Variants in EPHA4 observed in about 807,000 individuals in gnomAD.
The protein encoded by EPHA4 is EPH receptor A4, also known as ephrin type-A receptor 4.
A neutral mutation model predicts 108.3 loss-of-function variants in EPHA4; 19 were observed. The observed-to-expected ratio is 0.18, with a 90% confidence interval of 0.12 to 0.26. EPHA4 has a LOEUF of 0.26. Ranked by LOEUF, EPHA4 falls within the 10% of genes least tolerant of loss-of-function variation. EPHA4 has a pLI of 1.00. For missense variants in EPHA4, 917 were observed against 1,254.0 expected (o/e 0.73, Z 4.06); for synonymous variants, 449 against 455.5 (o/e 0.99, Z 0.18).
chr2:221,509,658 A>T (rs2106164245), intron 3 of EPHA4, among the ~76,000 whole-genome samples: 1 of 152,378 alleles, frequency 6.6e-6, no homozygotes, highest in South Asian at 2.1e-4. Flanking sequence ...ATAAAGGAAT[A>T]TACCAGACAT....
At chr2:221,512,076 T>C (rs978168506) in intron 3 of EPHA4, among the ~76,000 whole-genome samples, 5 of 152,166 alleles carry the variant, frequency 3.3e-5, no homozygotes, top group Admixed American at 3.3e-4. Flanking sequence ...TTTCAATAAA[T>C]TAATTCTATT....
intron 8 of EPHA4, among the ~76,000 whole-genome samples, chr2:221,448,107 G>A (rs1040428365): frequency 6.6e-6 from 1 of 152,080 alleles, no homozygotes; most frequent in Non-Finnish European, 1.5e-5. Context: ...CTCCCAAAGT[G>A]CTGGGATTAT....
chr2:221,563,493 T>C (rs1382756585), intron 3 of EPHA4, among the ~76,000 whole-genome samples: 1 of 152,244 alleles, frequency 6.6e-6, no homozygotes, highest in Non-Finnish European at 1.5e-5. Context: ...CAGATATAAG[T>C]GCCTGTTAGC....
chr2:221,432,318 C>T (rs934800155), intron 14 of EPHA4, among the ~76,000 whole-genome samples: 3 of 152,158 alleles, frequency 2.0e-5, no homozygotes, highest in Non-Finnish European at 4.4e-5. Context: ...ACTACATTTA[C>T]TATTTGCTCA....
intron 1 of EPHA4, among the ~76,000 whole-genome samples, chr2:221,570,159 G>T (rs191748713): frequency 6.6e-6 from 1 of 152,160 alleles, no homozygotes; most frequent in East Asian, 1.9e-4. Context: ...GAGGGTAAAA[G>T]AGAGAAAAGG....
chr2:221,469,763 A>G (rs964807807), intron 5 of EPHA4, among the ~76,000 whole-genome samples: 3 of 152,154 alleles, frequency 2.0e-5, no homozygotes, highest in African/African-American at 7.2e-5. Flanking sequence ...CGGGCCTTGG[A>G]CCACTTATGA....
intron 3 of EPHA4, among the ~76,000 whole-genome samples, chr2:221,557,073 A>C (rs1694328435): frequency 6.6e-6 from 1 of 152,210 alleles, no homozygotes. Flanking sequence ...TGAGAGAATT[A>C]GAAAAAAAAG....
At chr2:221,464,764 C>A (rs775409671) in intron 5 of EPHA4, among the ~76,000 whole-genome samples, 1 of 152,150 alleles carries the variant, frequency 6.6e-6, no homozygotes, top group Non-Finnish European at 1.5e-5. Flanking sequence ...AAAGTCAGCT[C>A]CACCCCCAAC....
intron 3 of EPHA4, among the ~76,000 whole-genome samples, chr2:221,535,727 A>T (rs1054392931): frequency 2.0e-5 from 3 of 152,224 alleles, no homozygotes; most frequent in Admixed American, 6.5e-5. Flanking sequence ...AAAGTGGTAG[A>T]ACAAAGATTT....
chr2:221,447,821 T>TTTTATTTATTTATTTATTTA (rs56796398), intron 8 of EPHA4, among the ~76,000 whole-genome samples: 14,207 of 147,536 alleles, frequency 0.096, 857 homozygotes, highest in African/African-American at 0.15. Context: ...AAGGGTCTAT[T>TTTTATTTATTTATTTATTTA]TTTATTTATT....
At chr2:221,556,537 G>A (rs111373101) in intron 3 of EPHA4, among the ~76,000 whole-genome samples, 20 of 144,880 alleles carry the variant, frequency 1.4e-4, no homozygotes, top group East Asian at 4.0e-4. Flanking sequence ...TCCTGACCTC[G>A]TGATCCACCT....
Position 221,571,598 on chromosome 2 carries a change from C to T in EPHA4, c.91+560G>A, listed in dbSNP as rs1303862718. ...TTGGCGAGGAGAAAGGTGTCTGACT[C>T]CGGGTGCTAGAAATCAGGTCACTGG... On this transcript the variant is annotated intron_variant, in intron 1 of 17. Coordinates refer to ENST00000281821, the MANE Select transcript of EPHA4 (RefSeq NM_004438.5). This position sits in a 1 kb window ranked among gnomAD's most constrained non-coding sequence, Gnocchi z 6.3. Among the ~76,000 whole-genome samples the T allele has an allele frequency of 6.6e-6, 1 of 152,150 alleles. No individual in the cohort carries two copies. Among genetic ancestry groups the T allele is most frequent in the African/African-American group, 2.4e-5 (1 of 41,456 alleles).
intron 8 of EPHA4, among the ~76,000 whole-genome samples, chr2:221,447,446 C>G (rs1022818157): frequency 2.6e-5 from 4 of 152,030 alleles, no homozygotes; most frequent in African/African-American, 9.7e-5. Flanking sequence ...TAACAGAGAA[C>G]CTAAAGGAGC....
chr2:221,479,359 G>GTGAT (rs1360984803), intron 5 of EPHA4, among the ~76,000 whole-genome samples: 1 of 152,190 alleles, frequency 6.6e-6, no homozygotes, highest in Non-Finnish European at 1.5e-5. Flanking sequence ...CAGGTTTTGC[G>GTGAT]TGATTGATTT....
intron 4 of EPHA4, among the ~76,000 whole-genome samples, chr2:221,494,854 C>A (rs191353495): frequency 2.0e-5 from 3 of 151,824 alleles, no homozygotes; most frequent in Admixed American, 6.6e-5. Flanking sequence ...GCTAGTCATT[C>A]GTAGAGTTAA....
intron 5 of EPHA4, among the ~76,000 whole-genome samples, chr2:221,476,136 C>A (rs1303031095): frequency 1.3e-5 from 2 of 152,176 alleles, no homozygotes; most frequent in Non-Finnish European, 2.9e-5. Flanking sequence ...ATGAGAATCG[C>A]TGGAACCTGG....
chr2:221,456,869 G>A, intron 6 of EPHA4, 97 bp from the exon 7 acceptor site: 2 of 1,320,446 alleles, frequency 1.5e-6, no homozygotes, highest in South Asian at 2.7e-5. Flanking sequence ...AGTCAACTCA[G>A]AAACTGAAAG....
intron 3 of EPHA4, among the ~76,000 whole-genome samples, chr2:221,558,861 A>G (rs1250563143): frequency 6.6e-6 from 1 of 152,248 alleles, no homozygotes; most frequent in African/African-American, 2.4e-5. Flanking sequence ...AGCCGGAGAT[A>G]AAAGCAGCCA....
At chr2:221,451,820 T>C (rs953553916) in intron 8 of EPHA4, among the ~76,000 whole-genome samples, 1 of 152,222 alleles carries the variant, frequency 6.6e-6, no homozygotes, top group Non-Finnish European at 1.5e-5. Context: ...AGGTATTTTA[T>C]AAATTTAGTA....
Sources: allele counts gnomAD v4.1 joint callset (sites outside exome capture counted in the v4.1 genomes callset), GRCh38; gene constraint gnomAD v4.1.1; non-coding constraint Gnocchi (gnomAD v3.1); transcripts MANE v1.5; gene names NCBI Gene and HGNC (gene_info 2026-07-23, HGNC 2026-07-21).